The following NEB variants were observed in gnomAD, a reference collection of about 807,000 sequenced individuals.
NEB encodes the protein nebulin, also known as nemaline myopathy type 2.
In NEB, 512 loss-of-function variants were observed where a neutral mutation model predicts 952.2. That is an observed-to-expected ratio of 0.54 (90% CI 0.50 to 0.58). The LOEUF (loss-of-function observed/expected upper bound fraction) is 0.58, where lower values mean the gene tolerates loss of function less well. Ranked by LOEUF, NEB falls within the 20% of genes least tolerant of loss-of-function variation. NEB has a pLI of 0.00. For synonymous variants in NEB, 2,900 were observed against 3,149.8 expected (o/e 0.92, Z 2.66); for missense variants, 8,428 against 9,231.1 (o/e 0.91, Z 3.56).
chr2:151,732,817 G>A (rs967081003), intron 3 of NEB, among the ~76,000 whole-genome samples: 3 of 152,100 alleles, frequency 2.0e-5, no homozygotes, highest in African/African-American at 4.8e-5. Flanking sequence ...TGAACATCGG[G>A]GTTGGGAAGT....
intron 124 of NEB, among the ~76,000 whole-genome samples, chr2:151,555,306 T>G (rs1463151018): frequency 6.6e-6 from 1 of 152,184 alleles, no homozygotes; most frequent in Non-Finnish European, 1.5e-5. Flanking sequence ...GTTGCTGTTT[T>G]CAAAATTCCT....
At position 151,682,750 on chromosome 2, in the gene NEB, T is replaced by C. The variant is rs368091868; in HGVS notation, c.2855A>G (p.Tyr952Cys). Residue 952 changes from tyrosine to cysteine, a missense_variant, in exon 29 of 182, where the codon TAC becomes TGC. This residue lies in a region of NEB where 2,851 missense variants were observed against 2,791.5 expected (regional missense o/e 1.02). Transcript: ENST00000397345. ...GCCACAACCTTTCATCCAGCTATTG[T>C]AGTCAGCTTTGTATTCAACCTAAAA... ...LQSDVEYKAD[Y>C]NSWMKGCGWV... The C allele has an allele frequency of 3.7e-6, 6 of 1,613,066 alleles. No homozygotes were observed. Among genetic ancestry groups the C allele is most frequent in the African/African-American group, 1.3e-5 (1 of 74,896 alleles).
chr2:151,531,219 A>C lies in NEB; in HGVS notation c.21523-118T>G, dbSNP rs184182602. On this transcript the variant is annotated intron_variant, in intron 144 of 181. Coordinates refer to ENST00000397345, the MANE Select transcript of NEB (RefSeq NM_001164508.2). ...AAGGAAAGAGAATTCTATGAATTTG[A>C]CAGGTGCTTTCATGCTCTCTGCTAA... The C allele has an allele frequency of 2.7e-5, 19 of 694,796 alleles. No homozygotes were observed. In the Admixed American group the frequency reaches 4.2e-4, roughly 15 times the overall value. 43.0% of individuals were successfully genotyped at this position (694,796 alleles called of 1,614,324 possible). A position where few individuals can be genotyped will look rare whatever the true frequency, so the allele number is the denominator to read the frequency against.
intron 138 of NEB, 100 bp from the exon 139 acceptor site, chr2:151,538,344 A>G: frequency 1.1e-6 from 1 of 891,834 alleles, no homozygotes; most frequent in Non-Finnish European, 1.8e-6. Context: ...TGGTTTTCCC[A>G]TGAATACATT....
chr2:151,694,939 T>A (rs1305774034), intron 18 of NEB, among the ~76,000 whole-genome samples: 1 of 152,206 alleles, frequency 6.6e-6, no homozygotes, highest in East Asian at 1.9e-4. Flanking sequence ...TAACTTACTT[T>A]TTTATGATAT....
chr2:151,561,615 T>C (rs2096067619), intron 121 of NEB, among the ~76,000 whole-genome samples: 2 of 151,798 alleles, frequency 1.3e-5, no homozygotes, highest in Admixed American at 1.3e-4. Context: ...TTTTTTATTA[T>C]TATACTTTAA....
In NEB at chr2:151,695,633, G is replaced by C. The variant is rs1434168759; in HGVS notation, c.1619C>G (p.Pro540Arg). 8 of 1,613,796 alleles carry C rather than the reference G, an allele frequency of 5.0e-6. 1 individual carries two copies. In the South Asian group the frequency reaches 6.6e-5, roughly 13 times the overall value. The change falls in exon 18 of 182, where the codon CCC becomes CGC. Residue 540 changes from proline (P) to arginine (R), a missense_variant. Pro to Arg is a moderately radical substitution (Grantham distance 103). Coordinates refer to ENST00000397345, the MANE Select transcript of NEB (RefSeq NM_001164508.2). ...HESEKFKCHI[P>R]PDTPAFIQHK... ...CTGGATAAAAGCAGGAGTATCAGGG[G>C]GGATATGGCACTTGAACTTTTCACT...
At chr2:151,677,810 A>G (rs764539368) in intron 33 of NEB, 39 bp from the exon 34 acceptor site, 2 of 1,611,778 alleles carry the variant, frequency 1.2e-6, no homozygotes, top group Non-Finnish European at 1.7e-6. Context: ...GGCCTAGGAC[A>G]GGGTTCTTTT....
chr2:151,545,346 C>T (rs1283623347), intron 135 of NEB, among the ~76,000 whole-genome samples: 4 of 152,134 alleles, frequency 2.6e-5, no homozygotes, highest in Non-Finnish European at 5.9e-5. Flanking sequence ...AAGGCTGAGG[C>T]GGGCGGATCA....
intron 13 of NEB, among the ~76,000 whole-genome samples, chr2:151,698,541 A>T (rs1434101532): frequency 6.6e-6 from 1 of 152,052 alleles, no homozygotes; most frequent in East Asian, 1.9e-4. Flanking sequence ...AAATGGTTAA[A>T]CTGAATCATG....
At chr2:151,648,923 T>G (rs1298677826) in intron 54 of NEB, among the ~76,000 whole-genome samples, 1 of 152,006 alleles carries the variant, frequency 6.6e-6, no homozygotes. Context: ...CTGGCCCGGG[T>G]TTTGTGTGGC....
rs377755862 is a variant in NEB, at chr2:151,549,670, T to C, written c.20015A>G (p.Lys6672Arg). The change falls in exon 130 of 182, where the codon AAA (lysine) becomes AGA (arginine). Residue 6672 changes from lysine (K) to arginine (R), a missense_variant. By Grantham distance (26) the Lys-to-Arg change is conservative. This residue lies in a region of NEB where 3,374 missense variants were observed against 3,651.5 expected (regional missense o/e 0.92). Coordinates refer to ENST00000397345, the MANE Select transcript of NEB (RefSeq NM_001164508.2). ...YRLPGDTPHF[K>R]HIKDTRYMSS... Reference sequence around the variant, plus strand: ...CATGTAACGGGTGTCCTTGATGTGTTTGAAGTGAGGAGTGTCACCTGGAAG... The same window carrying C: ...CATGTAACGGGTGTCCTTGATGTGTCTGAAGTGAGGAGTGTCACCTGGAAG... 6.9e-6 allele frequency: 11 copies of C among 1,601,504 alleles called. No individual in the cohort carries two copies. The highest frequency in any genetic ancestry group is 1.7e-5 in the Admixed American group (1 of 58,476).
At position 151,658,035 on chromosome 2, in the gene NEB, G is replaced by C. The variant is rs2099105434; in HGVS notation, c.6131C>G (p.Pro2044Arg). The C allele has an allele frequency of 8.1e-6, 13 of 1,611,362 alleles. No individual in the cohort carries two copies. Among genetic ancestry groups the C allele is most frequent in the Non-Finnish European group, 1.1e-5 (13 of 1,178,496 alleles). ...GGCAGCTTTGATAGGAATTGCATCA[G>C]GTCTGAGATCATAGCCTTTCTTTTT... The part of the protein sequence containing the change: ...ESKKKGYDLR[P>R]DAIPIKAAKA... The change falls in exon 48 of 182, where the codon CCT becomes CGT. Residue 2044 changes from proline to arginine, a missense_variant. This residue lies in a region of NEB where 2,851 missense variants were observed against 2,791.5 expected (regional missense o/e 1.02). Transcript: ENST00000397345.
intron 67 of NEB, among the ~76,000 whole-genome samples, chr2:151,629,992 CACT>C (rs1452813330): frequency 3.3e-5 from 5 of 151,350 alleles, no homozygotes; most frequent in Non-Finnish European, 7.4e-5. Context: ...CCAAACATAC[CACT>C]AAGTGAAAAA....
intron 47 of NEB, 128 bp downstream of exon 47, chr2:151,658,937 C>T: frequency 3.7e-6 from 3 of 810,788 alleles, no homozygotes; most frequent in Non-Finnish European, 4.3e-6. Flanking sequence ...GAAAGAGTCT[C>T]ATGTGTGGAT....
chr2:151,691,757 T>C, intron 23 of NEB, 107 bp downstream of exon 23: 3 of 877,102 alleles, frequency 3.4e-6, no homozygotes, highest in Non-Finnish European at 5.5e-6. Context: ...AATGTAATTA[T>C]CTCCTTCTAA....
intron 54 of NEB, among the ~76,000 whole-genome samples, chr2:151,647,406 G>A (rs761728873): frequency 1.0e-3 from 155 of 152,168 alleles, no homozygotes; most frequent in African/African-American, 3.4e-3. Context: ...CATCGTGCCC[G>A]GCTAAAACTA....
intron 30 of NEB, 92 bp downstream of exon 30, chr2:151,680,638 G>A (rs138058093): frequency 3.2e-6 from 3 of 947,562 alleles, no homozygotes; most frequent in Admixed American, 2.3e-5. Flanking sequence ...TCTTCATATT[G>A]TATAATAACT....
chr2:151,664,415 G>A, intron 44 of NEB, 86 bp downstream of exon 44: 1 of 997,022 alleles, frequency 1.0e-6, no homozygotes, highest in South Asian at 1.9e-5. Flanking sequence ...CCTGAATGGA[G>A]CTGACCACTG....
Sources: gnomAD v4.1 joint callset for allele counts (sites outside exome capture counted in the v4.1 genomes callset) on GRCh38, gnomAD v4.1.1 for gene constraint, gnomAD v4.1.1 regional missense constraint, MANE v1.5 for transcripts, NCBI Gene and HGNC (gene_info 2026-07-23, HGNC 2026-07-21) for gene names.